The following CNTN5 variants were observed in gnomAD, a reference collection of about 807,000 sequenced individuals.
CNTN5 encodes the protein contactin-5.
A neutral mutation model predicts 129.1 loss-of-function variants in CNTN5; 77 were observed. The ratio of observed to expected loss-of-function variants is 0.60; its 90% CI spans 0.50 to 0.72. The LOEUF is 0.72. Ranked by LOEUF, CNTN5 falls within the 30% of genes least tolerant of loss-of-function variation. The pLI, the probability that CNTN5 is intolerant of heterozygous loss-of-function variation, is 0.00. For synonymous variants in CNTN5, 509 were observed against 465.6 expected (o/e 1.09, Z -1.20); for missense variants, 1,478 against 1,328.8 (o/e 1.11, Z -1.75).
intron 6 of CNTN5, among the ~76,000 whole-genome samples, chr11:99,862,722 T>A (rs1948246178): frequency 6.6e-6 from 1 of 152,144 alleles, no homozygotes; most frequent in Non-Finnish European, 1.5e-5. Flanking sequence ...CAGTGATTCA[T>A]CATTTACATT....
chr11:99,650,848 T>C (rs1054105506), intron 3 of CNTN5, among the ~76,000 whole-genome samples: 1 of 151,962 alleles, frequency 6.6e-6, no homozygotes, highest in Non-Finnish European at 1.5e-5. Context: ...AATGCCCTAA[T>C]TATTATATAT....
intron 1 of CNTN5, among the ~76,000 whole-genome samples, chr11:99,169,323 T>C (rs1200601425): frequency 6.6e-6 from 1 of 152,024 alleles, no homozygotes; most frequent in Non-Finnish European, 1.5e-5. Context: ...TTTATAGTCA[T>C]GACTTGGAGA....
At position 99,826,523 on chromosome 11, in the gene CNTN5, G is replaced by C. The variant is rs76453293; in HGVS notation, c.277+6758G>C. Among the ~76,000 whole-genome samples, 321 of 152,240 alleles carry C rather than the reference G, an allele frequency of 2.1e-3. 2 individuals are homozygous for C. The highest frequency in any genetic ancestry group is 7.3e-3 in the African/African-American group (302 of 41,538). On this transcript the variant is annotated intron_variant, in intron 4 of 24. Transcript: ENST00000524871. ...TATTATTTGGTAACATAGAATAGAG[G>C]CATCAAATTTAACCTGTGTTGTATG...
chr11:99,840,687 A>G (rs1434695713), intron 4 of CNTN5, among the ~76,000 whole-genome samples: 2 of 152,168 alleles, frequency 1.3e-5, no homozygotes, highest in African/African-American at 4.8e-5. Flanking sequence ...ATTGTGTGTG[A>G]TGACATCTGC....
intron 17 of CNTN5, among the ~76,000 whole-genome samples, chr11:100,257,420 C>G (rs1591443599): frequency 6.6e-6 from 1 of 152,194 alleles, no homozygotes; most frequent in Admixed American, 6.5e-5. Flanking sequence ...TCTCCCAGCG[C>G]AGCGCTCAAG....
rs201759111 is a variant in CNTN5 at position 100,356,551 on chromosome 11, G to A, written c.*331G>A. ...TTTATTTTATATCTGATGACTCCGA[G>A]TGTGTGCCATCCATTTGTTAAGTAA... On this transcript the variant is annotated 3_prime_UTR_variant, in exon 25 of 25. Coordinates refer to ENST00000524871, the MANE Select transcript of CNTN5 (RefSeq NM_014361.4). 29 of 252,248 alleles carry A rather than the reference G, an allele frequency of 1.1e-4. No homozygotes were observed. In the South Asian group the frequency reaches 2.0e-3, roughly 17 times the overall value. The allele number at this position is 252,248 out of a possible 1,614,324, so 15.6% of individuals were successfully genotyped here.
intron 8 of CNTN5, among the ~76,000 whole-genome samples, chr11:99,975,419 G>C (rs1464412600): frequency 6.6e-6 from 1 of 152,140 alleles, no homozygotes; most frequent in Non-Finnish European, 1.5e-5. Context: ...TGAGCTCTAA[G>C]CTTAGAAATG....
intron 3 of CNTN5, among the ~76,000 whole-genome samples, chr11:99,789,691 CT>C (rs1235269465): frequency 6.6e-6 from 1 of 151,966 alleles, no homozygotes; most frequent in Non-Finnish European, 1.5e-5. Flanking sequence ...AAGTTTTTCT[CT>C]CTTAAATCTT....
At chr11:100,257,102 G>T (rs1230199674) in intron 17 of CNTN5, among the ~76,000 whole-genome samples, 1 of 152,130 alleles carries the variant, frequency 6.6e-6, no homozygotes, top group Non-Finnish European at 1.5e-5. Context: ...TTGGTCAGGG[G>T]AGGGGTGTCC....
chr11:99,775,876 TA>T (rs1368761046), intron 3 of CNTN5, among the ~76,000 whole-genome samples: 1 of 152,022 alleles, frequency 6.6e-6, no homozygotes, highest in Non-Finnish European at 1.5e-5. Context: ...AAAAACTCCT[TA>T]ATAACGTTAA....
At chr11:100,346,378 G>C (rs1952280131) in intron 23 of CNTN5, among the ~76,000 whole-genome samples, 1 of 152,044 alleles carries the variant, frequency 6.6e-6, no homozygotes, top group Non-Finnish European at 1.5e-5. Context: ...CACGATGAAA[G>C]TAATTTACCC....
At chr11:99,509,165 C>T (rs1415195130) in intron 2 of CNTN5, among the ~76,000 whole-genome samples, 2 of 152,022 alleles carry the variant, frequency 1.3e-5, no homozygotes, top group Admixed American at 6.6e-5. Context: ...AGGGAATTCT[C>T]ATATATATTT....
At chr11:99,058,833 T>C (rs539749360) in intron 1 of CNTN5, among the ~76,000 whole-genome samples, 2 of 151,816 alleles carry the variant, frequency 1.3e-5, no homozygotes, top group African/African-American at 4.8e-5. Flanking sequence ...AGAAAGATAA[T>C]GAGTTCAAGA....
intron 1 of CNTN5, among the ~76,000 whole-genome samples, chr11:99,312,848 A>G (rs1198591823): frequency 6.6e-6 from 1 of 152,034 alleles, no homozygotes; most frequent in East Asian, 1.9e-4. Flanking sequence ...CAGCAAATAA[A>G]TGGCCTAAAC....
At chr11:99,747,068 C>T (rs770719447) in intron 3 of CNTN5, among the ~76,000 whole-genome samples, 5 of 151,926 alleles carry the variant, frequency 3.3e-5, no homozygotes, top group Non-Finnish European at 5.9e-5. Flanking sequence ...GATATCCTTT[C>T]ATTTATTTGT....
At chr11:99,262,751 T>C (rs2135828639) in intron 1 of CNTN5, among the ~76,000 whole-genome samples, 1 of 152,142 alleles carries the variant, frequency 6.6e-6, no homozygotes, top group South Asian at 2.1e-4. Flanking sequence ...CCCCTCTTAA[T>C]TAAAAACGTT....
chr11:99,771,856 T>TA (rs1555105752), intron 3 of CNTN5, among the ~76,000 whole-genome samples: 2 of 151,954 alleles, frequency 1.3e-5, no homozygotes, highest in Non-Finnish European at 2.9e-5. Flanking sequence ...TAGCTTCCTT[T>TA]ATGTGTTGGG....
At chr11:99,951,350 T>A (rs1347395191) in intron 7 of CNTN5, among the ~76,000 whole-genome samples, 1 of 152,072 alleles carries the variant, frequency 6.6e-6, no homozygotes, top group African/African-American at 2.4e-5. Context: ...GATATTTTCA[T>A]AATATCCTCA....
chr11:100,060,882 C>T (rs1943443395), intron 9 of CNTN5, among the ~76,000 whole-genome samples: 1 of 150,750 alleles, frequency 6.6e-6, no homozygotes, highest in Admixed American at 6.6e-5. Flanking sequence ...TTAAGGTGAT[C>T]TGCCCGCCTT....
Sources: gnomAD v4.1 joint callset for allele counts (sites outside exome capture counted in the v4.1 genomes callset) on GRCh38, gnomAD v4.1.1 for gene constraint, MANE v1.5 for transcripts, NCBI Gene and HGNC (gene_info 2026-07-23, HGNC 2026-07-21) for gene names.